Variants in HS3ST5 observed in about 807,000 individuals in gnomAD.
HS3ST5 encodes the protein heparan sulfate-glucosamine 3-sulfotransferase 5, also known as heparan sulfate glucosamine 3-O-sulfotransferase 5.
Under a neutral mutation model 25.4 loss-of-function variants are expected in HS3ST5, and 10 were observed. That is an observed-to-expected ratio of 0.39 (90% confidence interval 0.24 to 0.67). The LOEUF is 0.67. HS3ST5 is among the 30% of genes least tolerant of loss of function. HS3ST5 has a pLI of 0.44. For synonymous variants in HS3ST5, 170 were observed against 162.4 expected (o/e 1.05, Z -0.36); for missense variants, 324 against 420.7 (o/e 0.77, Z 2.01).
At chr6:114,330,880 G>T (rs888239329) in intron 1 of HS3ST5, among the ~76,000 whole-genome samples, 2 of 152,190 alleles carry the variant, frequency 1.3e-5, no homozygotes, top group Non-Finnish European at 2.9e-5. Flanking sequence ...TTCCCAAACA[G>T]TAAACCACTG....
chr6:114,079,171 A>C (rs1203733545), intron 3 of HS3ST5, among the ~76,000 whole-genome samples: 1 of 152,142 alleles, frequency 6.6e-6, no homozygotes, highest in Non-Finnish European at 1.5e-5. Context: ...GCAATTTCTT[A>C]AATTAAGACA....
chr6:114,198,328 A>G (rs1780859524), intron 2 of HS3ST5, among the ~76,000 whole-genome samples: 1 of 152,158 alleles, frequency 6.6e-6, no homozygotes. Context: ...CATTCTGGAG[A>G]GAGAAGACAG....
intron 3 of HS3ST5, among the ~76,000 whole-genome samples, chr6:114,155,445 A>G (rs1778656673): frequency 6.6e-6 from 1 of 152,196 alleles, no homozygotes; most frequent in Non-Finnish European, 1.5e-5. Context: ...AAAAAAGAAA[A>G]AAAGACAAGC....
chr6:114,130,630 CGCAATCTCGGCTCACT>C (rs1777280715), intron 3 of HS3ST5, among the ~76,000 whole-genome samples: 1 of 152,024 alleles, frequency 6.6e-6, no homozygotes, highest in African/African-American at 2.4e-5. Flanking sequence ...AGTACAGTGG[CGCAATCTCGGCTCACT>C]GCAAGCTCCG....
At chr6:114,218,715 G>A (rs1781887212) in intron 2 of HS3ST5, among the ~76,000 whole-genome samples, 1 of 152,124 alleles carries the variant, frequency 6.6e-6, no homozygotes, top group African/African-American at 2.4e-5. Context: ...TGTATTACTT[G>A]GTCCCTGTTC....
intron 3 of HS3ST5, among the ~76,000 whole-genome samples, chr6:114,162,162 T>G (rs1275615972): frequency 6.6e-6 from 1 of 152,160 alleles, no homozygotes; most frequent in Non-Finnish European, 1.5e-5. Flanking sequence ...TGCAGCAGTG[T>G]CCTTTAGATT....
chr6:114,291,982 G>A (rs1328782531), intron 1 of HS3ST5, among the ~76,000 whole-genome samples: 1 of 152,074 alleles, frequency 6.6e-6, no homozygotes, highest in Non-Finnish European at 1.5e-5. Context: ...ATCTCCATAG[G>A]ACATAGACAG....
At chr6:114,278,762 TA>T (rs1276947656) in intron 1 of HS3ST5, among the ~76,000 whole-genome samples, 2 of 152,020 alleles carry the variant, frequency 1.3e-5, no homozygotes, top group Non-Finnish European at 2.9e-5. Context: ...AGACGAAGGC[TA>T]GGGGAACATA....
intron 1 of HS3ST5, among the ~76,000 whole-genome samples, chr6:114,337,990 A>G (rs1776673843): frequency 6.6e-6 from 1 of 152,162 alleles, no homozygotes; most frequent in Admixed American, 6.5e-5. Flanking sequence ...AAAATGGGAA[A>G]TGACAGGAGA....
Position 114,183,782 on chromosome 6 carries a change from T to G in HS3ST5, c.-144-15320A>C. 1.3e-5 allele frequency among the ~76,000 whole-genome samples: 2 copies of G among 152,124 alleles called. 1 individual carries two copies. Among genetic ancestry groups the G allele is most frequent in the Non-Finnish European group, 2.9e-5 (2 of 68,022 alleles). Reference sequence around the variant, plus strand: ...GGAAAAAGGAGAGATGTAGAGGAAGTTTCCATCTTATTAGAGAATACACAG... The same window carrying G: ...GGAAAAAGGAGAGATGTAGAGGAAGGTTCCATCTTATTAGAGAATACACAG... On this transcript the variant is annotated intron_variant, in intron 2 of 4. Transcript: ENST00000312719.
chr6:114,098,735 A>G (rs1308408551), intron 3 of HS3ST5, among the ~76,000 whole-genome samples: 1 of 151,946 alleles, frequency 6.6e-6, no homozygotes, highest in Non-Finnish European at 1.5e-5. Context: ...ATTTGCATTC[A>G]TCTTAGAATA....
chr6:114,080,577 A>G (rs1463285904), intron 3 of HS3ST5, among the ~76,000 whole-genome samples: 1 of 152,244 alleles, frequency 6.6e-6, no homozygotes, highest in African/African-American at 2.4e-5. Context: ...AATGTGGTGC[A>G]TATACACTAT....
intron 2 of HS3ST5, among the ~76,000 whole-genome samples, chr6:114,182,521 C>T (rs1780021596): frequency 1.3e-5 from 2 of 152,072 alleles, no homozygotes; most frequent in African/African-American, 4.8e-5. Flanking sequence ...GCTAAGTTTT[C>T]CTGTCTGCAA....
intron 3 of HS3ST5, among the ~76,000 whole-genome samples, chr6:114,124,444 A>G (rs990417540): frequency 6.6e-6 from 1 of 152,106 alleles, no homozygotes; most frequent in Non-Finnish European, 1.5e-5. Context: ...AACCACACCC[A>G]TTCCCTGGCG....
At chr6:114,102,776 A>G (rs1289115193) in intron 3 of HS3ST5, among the ~76,000 whole-genome samples, 1 of 152,190 alleles carries the variant, frequency 6.6e-6, no homozygotes, top group Non-Finnish European at 1.5e-5. Context: ...TAAAAAGTTT[A>G]AAATCTGGCT....
chr6:114,277,269 G>C (rs1773901379), intron 1 of HS3ST5, among the ~76,000 whole-genome samples: 1 of 150,994 alleles, frequency 6.6e-6, no homozygotes, highest in Non-Finnish European at 1.5e-5. Context: ...ACCCAAGAGT[G>C]GCTCTTCTGA....
intron 2 of HS3ST5, among the ~76,000 whole-genome samples, chr6:114,219,576 A>G (rs1781935113): frequency 6.6e-6 from 1 of 152,150 alleles, no homozygotes; most frequent in African/African-American, 2.4e-5. Context: ...AATAAGCGTA[A>G]ATTAGTTATT....
At chr6:114,293,040 T>C (rs1774651336) in intron 1 of HS3ST5, among the ~76,000 whole-genome samples, 1 of 151,858 alleles carries the variant, frequency 6.6e-6, no homozygotes. Context: ...CATAATACAG[T>C]GTAAGAAGTG....
intron 1 of HS3ST5, among the ~76,000 whole-genome samples, chr6:114,249,865 G>C (rs1045671980): frequency 5.3e-5 from 8 of 152,060 alleles, no homozygotes; most frequent in Non-Finnish European, 8.8e-5. Context: ...ATTTCTCATG[G>C]AGTCTATTTC....
Sources: gnomAD v4.1 joint callset for allele counts (sites outside exome capture counted in the v4.1 genomes callset) on GRCh38, gnomAD v4.1.1 for gene constraint, MANE v1.5 for transcripts, NCBI Gene and HGNC (gene_info 2026-07-23, HGNC 2026-07-21) for gene names.